The following LTBP3 variants were observed in gnomAD, a reference collection of about 807,000 sequenced individuals.
LTBP3 encodes latent-transforming growth factor beta-binding protein 3.
A neutral mutation model predicts 159.7 loss-of-function variants in LTBP3; 97 were observed. The ratio of observed to expected loss-of-function variants is 0.61; its 90% CI spans 0.52 to 0.72. LTBP3 has a LOEUF of 0.72. Ranked by LOEUF, LTBP3 falls within the 30% of genes least tolerant of loss-of-function variation. LTBP3 has a pLI of 0.00. For missense variants in LTBP3, 1,584 were observed against 1,864.3 expected, an observed-to-expected ratio of 0.85 and a Z score of 2.77; for synonymous variants, 824 against 777.1, an observed-to-expected ratio of 1.06 and a Z score of -1.00.
intron 11 of LTBP3, among the ~76,000 whole-genome samples, chr11:65,550,921 A>G (rs975685544): frequency 1.3e-5 from 2 of 152,258 alleles, no homozygotes; most frequent in Non-Finnish European, 2.9e-5. Context: ...GAATGAATGA[A>G]ATCCCTCAGA....
Position 65,547,295 on chromosome 11 carries a change from G to T in LTBP3, c.2107+144C>A, listed in dbSNP as rs1197525990. 1 of 985,996 alleles carries T rather than the reference G, an allele frequency of 1.0e-6. No individual in the cohort carries two copies. The highest frequency in any genetic ancestry group is 2.5e-5 in the East Asian group (1 of 39,962). 61.1% of individuals were successfully genotyped at this position (985,996 alleles called of 1,614,324 possible). ...GGAGGCGGAGGTTGCAGTGAGCCAA[G>T]ATCTCACCACCGCACTCCAGCCTGG... On this transcript the variant is annotated intron_variant, in intron 14 of 27. Coordinates refer to ENST00000301873, the MANE Select transcript of LTBP3 (RefSeq NM_001130144.3). This position sits in a 1 kb window ranked among gnomAD's most constrained non-coding sequence, Gnocchi z 4.6.
chr11:65,540,687 G>T lies in LTBP3; in HGVS notation c.2978-73C>A, dbSNP rs561215781. The T allele has an allele frequency of 5.7e-5, 91 of 1,603,570 alleles. No homozygotes were observed. In the African/African-American group the frequency reaches 9.5e-4, roughly 17 times the overall value. ...GGAGGCGTGGGCTGGGCGCACCACCGGAGCGAAGCCATCCCCGGGCGGGGC... is the reference window on the plus strand; with the variant it reads ...GGAGGCGTGGGCTGGGCGCACCACCTGAGCGAAGCCATCCCCGGGCGGGGC... On this transcript the variant is annotated intron_variant, in intron 21 of 27. Transcript: ENST00000301873.
chr11:65,541,345 TCCACCCTGC>T, intron 19 of LTBP3, 52 bp from the exon 20 acceptor site: 1 of 1,592,678 alleles, frequency 6.3e-7, no homozygotes, highest in Non-Finnish European at 8.5e-7. Context: ...CTTGGCCCTG[TCCACCCTGC>T]CCACCCACCA....
chr11:65,540,476 C>A lies in LTBP3; in HGVS notation c.3106+10G>T. 3 of 1,613,176 alleles carry A rather than the reference C, an allele frequency of 1.9e-6. No individual in the cohort carries two copies. The highest frequency in any genetic ancestry group is 2.5e-6 in the Non-Finnish European group (3 of 1,179,734). ...CCGCTTCCCCACGGCCGCCGGGGGGCGGAGCTCACCCACGCATTCCAGCAG... is the reference window on the plus strand; with the variant it reads ...CCGCTTCCCCACGGCCGCCGGGGGGAGGAGCTCACCCACGCATTCCAGCAG... On this transcript the variant is annotated intron_variant, in intron 22 of 27. Coordinates refer to ENST00000301873, the MANE Select transcript of LTBP3 (RefSeq NM_001130144.3).
In LTBP3 at chr11:65,546,629, G is replaced by A. The variant is rs1006676665; in HGVS notation, c.2231-65C>T. ...GAAGGCGGACCGCGCACCTCGCGGG[G>A]GTGTGGGTCTCTTCCCTGGAACGCG... On this transcript the variant is annotated intron_variant, in intron 15 of 27. Coordinates refer to ENST00000301873, the MANE Select transcript of LTBP3 (RefSeq NM_001130144.3). This position sits in a 1 kb window ranked among gnomAD's most constrained non-coding sequence, Gnocchi z 4.0. 18 of 1,593,514 alleles carry A rather than the reference G, an allele frequency of 1.1e-5. No individual in the cohort carries two copies. In the Admixed American group the frequency reaches 2.0e-4, roughly 18 times the overall value.
intron 21 of LTBP3, 73 bp downstream of exon 21, chr11:65,540,798 G>GTCCCGGCGGGA: frequency 2.0e-6 from 3 of 1,530,222 alleles, no homozygotes; most frequent in East Asian, 2.3e-5. Flanking sequence ...GACCCAGCGA[G>GTCCCGGCGGGA]TCCCGGCGGG....
In LTBP3 at chr11:65,552,547, C is replaced by G; in HGVS notation, c.1187-141G>C. 1 of 1,066,494 alleles carries G rather than the reference C, an allele frequency of 9.4e-7. No homozygotes were observed. Among genetic ancestry groups the G allele is most frequent in the Non-Finnish European group, 1.4e-6 (1 of 735,576 alleles). The allele number at this position is 1,066,494 out of a possible 1,614,324, so 66.1% of individuals were successfully genotyped here. On this transcript the variant is annotated intron_variant, in intron 6 of 27. Transcript: ENST00000301873. The surrounding 1 kb of genome is among the most constrained non-coding windows in gnomAD (Gnocchi z 6.0). Reference sequence around the variant, plus strand: ...GTCTCTGACCCCATATGACCCTGAACTCATGTGACCCCTGAAACTTATGTG... The same window carrying G: ...GTCTCTGACCCCATATGACCCTGAAGTCATGTGACCCCTGAAACTTATGTG...
At chr11:65,545,043 C>T (rs1856306996) in intron 16 of LTBP3, 1 of 160,966 alleles carries the variant, frequency 6.2e-6, no homozygotes, top group African/African-American at 2.4e-5. Flanking sequence ...ACTAGGATTT[C>T]CATGTAGGAT....
At position 65,540,321 on chromosome 11, in the gene LTBP3, G is replaced by A. The variant is rs773332580; in HGVS notation, c.3168C>T (p.Gly1056=). 9 of 1,573,576 alleles carry A rather than the reference G, an allele frequency of 5.7e-6. No homozygotes were observed. The African/African-American group carries it at 6.7e-5, about 12-fold the overall frequency. The change falls in exon 23 of 28, where the codon GGC becomes GGT. Residue 1056 remains glycine, a synonymous_variant. Coordinates refer to ENST00000301873, the MANE Select transcript of LTBP3 (RefSeq NM_001130144.3). Reference sequence around the variant, plus strand: ...GGGGCGTGCAGGCACAGCGGTAGCCGCCGCGCGTGTTCTCACACACTCCGT... The same window carrying A: ...GGGGCGTGCAGGCACAGCGGTAGCCACCGCGCGTGTTCTCACACACTCCGT... ...CRNGVCENTR[G]GYRCACTPPA... is the part of the protein sequence containing the mutation.
In LTBP3 at chr11:65,546,622, T is replaced by TCGCGGGGGTGTGGGTCTCTTCCCTGGAA; in HGVS notation, c.2231-86_2231-59dup. On this transcript the variant is annotated intron_variant, in intron 15 of 27. Coordinates refer to ENST00000301873, the MANE Select transcript of LTBP3 (RefSeq NM_001130144.3). This position sits in a 1 kb window ranked among gnomAD's most constrained non-coding sequence, Gnocchi z 4.0. The stretch of plus-strand genomic sequence containing the variant: ...CCCACCGGAAGGCGGACCGCGCACC[T>TCGCGGGGGTGTGGGTCTCTTCCCTGGAA]CGCGGGGGTGTGGGTCTCTTCCCTG... The TCGCGGGGGTGTGGGTCTCTTCCCTGGAA allele has an allele frequency of 1.9e-6, 3 of 1,595,088 alleles. No homozygotes were observed. The South Asian group carries it at 3.3e-5, about 18-fold the overall frequency.
intron 16 of LTBP3, chr11:65,543,769 AGCCTCCCCC>A (rs1856254742): frequency 5.1e-6 from 3 of 586,794 alleles, no homozygotes; most frequent in East Asian, 5.9e-5. Context: ...GAGCCTCCCC[AGCCTCCCCC>A]GCCCTCTCTC....
In LTBP3 at chr11:65,553,949, G is replaced by T. The variant is rs767221669; in HGVS notation, c.662-46C>A. Reference sequence around the variant, plus strand: ...CTCAGGGCTGCCCGCACCGCGCCGCGGGTCACCGCGCTGAGCTCCTCCAGG... The same window carrying T: ...CTCAGGGCTGCCCGCACCGCGCCGCTGGTCACCGCGCTGAGCTCCTCCAGG... On this transcript the variant is annotated intron_variant, in intron 2 of 27. Coordinates refer to ENST00000301873, the MANE Select transcript of LTBP3 (RefSeq NM_001130144.3). This position sits in a 1 kb window ranked among gnomAD's most constrained non-coding sequence, Gnocchi z 6.5. 2 of 1,527,184 alleles carry T rather than the reference G, an allele frequency of 1.3e-6. No individual in the cohort carries two copies. Among genetic ancestry groups the T allele is most frequent in the Admixed American group, 1.9e-5 (1 of 53,614 alleles). The allele number at this position is 1,527,184 out of a possible 1,614,324, so 94.6% of individuals were successfully genotyped here.
chr11:65,554,260 G>A lies in LTBP3; in HGVS notation c.452C>T (p.Thr151Ile), dbSNP rs1183482120. Residue 151 changes from threonine (T) to isoleucine (I), a missense_variant, in exon 2 of 28, where the codon ACC becomes ATC. Coordinates refer to ENST00000301873, the MANE Select transcript of LTBP3 (RefSeq NM_001130144.3). This position sits in a 1 kb window ranked among gnomAD's most constrained non-coding sequence, Gnocchi z 5.3. ...QVPAGGAGGG[T>I]GGSGPGLSRT... is the part of the protein sequence containing the mutation. ...GCTCAGGCCGGGGCCTGAGCCGCCGGTACCCCCACCGGCTCCTCCTGCGGG... is the reference window on the plus strand; with the variant it reads ...GCTCAGGCCGGGGCCTGAGCCGCCGATACCCCCACCGGCTCCTCCTGCGGG... The A allele has an allele frequency of 1.2e-6, 2 of 1,609,952 alleles. No individual in the cohort carries two copies. Among genetic ancestry groups the A allele is most frequent in the African/African-American group, 2.7e-5 (2 of 74,820 alleles).
chr11:65,552,448 A>G lies in LTBP3; in HGVS notation c.1187-42T>C. ...GGGGCATGGGCATCTGAGCCTGCACATTGCCCACGTCCCTCTGCCCAGCTG... is the reference window on the plus strand; with the variant it reads ...GGGGCATGGGCATCTGAGCCTGCACGTTGCCCACGTCCCTCTGCCCAGCTG... On this transcript the variant is annotated intron_variant, in intron 6 of 27. Transcript: ENST00000301873. The surrounding 1 kb of genome is among the most constrained non-coding windows in gnomAD (Gnocchi z 6.0). The G allele has an allele frequency of 1.9e-6, 3 of 1,605,668 alleles. No homozygotes were observed. The highest frequency in any genetic ancestry group is 2.5e-6 in the Non-Finnish European group (3 of 1,178,666).
intron 8 of LTBP3, 176 bp downstream of exon 8, chr11:65,551,796 T>C: frequency 1.1e-6 from 1 of 931,822 alleles, no homozygotes; most frequent in East Asian, 2.4e-5. Flanking sequence ...TAGGAGGTTA[T>C]AGCTCAGGGT....
At position 65,538,607 on chromosome 11, in the gene LTBP3, C is replaced by T. The variant is rs1195294044; in HGVS notation, c.*473G>A. 2 of 1,592,946 alleles carry T rather than the reference C, an allele frequency of 1.3e-6. No homozygotes were observed. Among genetic ancestry groups the T allele is most frequent in the Non-Finnish European group, 1.7e-6 (2 of 1,170,324 alleles). On this transcript the variant is annotated 3_prime_UTR_variant, in exon 28 of 28. Coordinates refer to ENST00000301873, the MANE Select transcript of LTBP3 (RefSeq NM_001130144.3). Reference sequence around the variant, plus strand: ...CTTCCCGGCTGCGGAGAGCCCGCCCCACAGATGTATTTATTGTACAAACCA... The same window carrying T: ...CTTCCCGGCTGCGGAGAGCCCGCCCTACAGATGTATTTATTGTACAAACCA...
At chr11:65,551,263 A>T (rs771249012) in intron 10 of LTBP3, 39 bp from the exon 11 acceptor site, 2 of 1,531,340 alleles carry the variant, frequency 1.3e-6, no homozygotes. Context: ...GACGATATTG[A>T]CTGAAGCCTC....
intron 18 of LTBP3, 40 bp from the exon 19 acceptor site, chr11:65,541,768 C>A: frequency 6.2e-7 from 1 of 1,612,316 alleles, no homozygotes; most frequent in Non-Finnish European, 8.5e-7. Context: ...CCCAGCCCCT[C>A]TTTCCCTGGG....
chr11:65,548,069 G>C (rs376512200), intron 11 of LTBP3, 24 bp from the exon 12 acceptor site: 2 of 1,613,460 alleles, frequency 1.2e-6, no homozygotes, highest in South Asian at 1.1e-5. Context: ...CAGGTCAAGC[G>C]GCAGAGCAGG....
Sources: allele counts gnomAD v4.1 joint callset (sites outside exome capture counted in the v4.1 genomes callset), GRCh38; gene constraint gnomAD v4.1.1; non-coding constraint Gnocchi (gnomAD v3.1); transcripts MANE v1.5; gene names NCBI Gene and HGNC (gene_info 2026-07-23, HGNC 2026-07-21).